Variants in ZNF777 observed in about 807,000 individuals in gnomAD.
ZNF777 encodes the protein zinc finger protein 777.
ZNF777 carries 7 observed loss-of-function variants against 72.1 expected under a neutral mutation model. The ratio of observed to expected loss-of-function variants is 0.10; its 90% CI spans 0.06 to 0.18. The LOEUF is 0.18. Among genes scored for constraint, ZNF777 ranks in the 10% least tolerant of loss-of-function variants. The pLI, the probability that ZNF777 is intolerant of heterozygous loss-of-function variation, is 1.00. For synonymous variants in ZNF777, 545 were observed against 483.5 expected (o/e 1.13, Z -1.67); for missense variants, 828 against 1,128.6 (o/e 0.73, Z 3.82).
Position 149,455,817 on chromosome 7 carries a change from C to A in ZNF777, c.206G>T (p.Gly69Val), listed in dbSNP as rs771897875. The A allele has an allele frequency of 1.2e-6, 2 of 1,612,862 alleles. No homozygotes were observed. Among genetic ancestry groups the A allele is most frequent in the Admixed American group, 1.7e-5 (1 of 59,966 alleles). ...CTTCTGGAGCACATGTGGCATCCGG[C>A]CAGAAGTCTCTTGCTTGGGAGCACT... ...TSSAPKQETS[G>V]RMPHVLQKGP... is the part of the protein sequence containing the mutation. Residue 69 changes from glycine (G) to valine (V), a missense_variant, in exon 2 of 6, where the codon GGC (glycine) becomes GTC (valine). Gly to Val is a moderately radical substitution (Grantham distance 109). This residue lies in a region of ZNF777 where 222 missense variants were observed against 211.2 expected (regional missense o/e 1.05). Coordinates refer to ENST00000247930, the MANE Select transcript of ZNF777 (RefSeq NM_015694.3). This position sits in a 1 kb window ranked among gnomAD's most constrained non-coding sequence, Gnocchi z 4.2.
chr7:149,455,505 T>C lies in ZNF777; in HGVS notation c.518A>G (p.Gln173Arg), dbSNP rs752391546. 4 of 1,613,922 alleles carry C rather than the reference T, an allele frequency of 2.5e-6. No individual in the cohort carries two copies. The African/African-American group carries it at 5.3e-5, about 22-fold the overall frequency. Residue 173 changes from glutamine (Q) to arginine (R), a missense_variant, in exon 2 of 6, where the codon CAG (glutamine) becomes CGG (arginine). Physicochemically the swap from Gln to Arg is conservative, Grantham distance 43. Transcript: ENST00000247930. This position sits in a 1 kb window ranked among gnomAD's most constrained non-coding sequence, Gnocchi z 4.2. ...DTPFQISSAV[Q>R]KEQPLPTAEI... is the part of the protein sequence containing the mutation. ...TGCCGTGGGGAGCGGCTGTTCCTTCTGGACTGCAGAAGAGATCTGGAAAGG... is the reference window on the plus strand; with the variant it reads ...TGCCGTGGGGAGCGGCTGTTCCTTCCGGACTGCAGAAGAGATCTGGAAAGG...
chr7:149,452,161 A>G (rs1799730748), intron 3 of ZNF777, among the ~76,000 whole-genome samples: 2 of 152,126 alleles, frequency 1.3e-5, no homozygotes, highest in South Asian at 4.2e-4. Context: ...GCTACTCGGG[A>G]GGCTGAGGCA....
At chr7:149,448,485 CTA>C (rs61005836) in intron 4 of ZNF777, among the ~76,000 whole-genome samples, 26,766 of 103,854 alleles carry the variant, frequency 0.26, 3,628 homozygotes, top group Non-Finnish European at 0.3. Context: ...CAAAACAAAA[CTA>C]TATATATATA....
intron 4 of ZNF777, among the ~76,000 whole-genome samples, chr7:149,449,367 G>T (rs1300902695): frequency 6.6e-6 from 1 of 152,204 alleles, no homozygotes; most frequent in Non-Finnish European, 1.5e-5. Flanking sequence ...ACCCAGCCCA[G>T]GACCGAATGG....
At chr7:149,456,147 T>A in intron 1 of ZNF777, 110 bp from the exon 2 acceptor site, 1 of 1,184,932 alleles carries the variant, frequency 8.4e-7, no homozygotes, top group Non-Finnish European at 1.1e-6. Context: ...TTGGTAGCAA[T>A]AATATGTGCC....
At chr7:149,445,947 G>A (rs1407624061) in intron 4 of ZNF777, among the ~76,000 whole-genome samples, 4 of 152,186 alleles carry the variant, frequency 2.6e-5, no homozygotes, top group Admixed American at 6.5e-5. Context: ...AGCAGGTGTG[G>A]GGGTGCAAAT....
chr7:149,454,359 G>A, intron 2 of ZNF777, 122 bp from the exon 3 acceptor site: 3 of 1,286,566 alleles, frequency 2.3e-6, no homozygotes, highest in Non-Finnish European at 3.2e-6. Flanking sequence ...CTAGAAGTCT[G>A]GCCACTGTCC....
chr7:149,433,347 C>T (rs750632446), intron 5 of ZNF777, among the ~76,000 whole-genome samples: 24 of 152,196 alleles, frequency 1.6e-4, no homozygotes, highest in East Asian at 7.7e-4. Flanking sequence ...GGAATACTCA[C>T]GATTCTCTAA....
intron 1 of ZNF777, among the ~76,000 whole-genome samples, chr7:149,458,603 T>C (rs548281384): frequency 1.1e-4 from 17 of 152,214 alleles, no homozygotes; most frequent in Admixed American, 5.9e-4. Flanking sequence ...GCTAGACAAA[T>C]CAGAGCTCAA....
In ZNF777 at chr7:149,460,889, C is replaced by T. The variant is rs930652340; in HGVS notation, c.-90G>A. ...CGGGCGGAGGCGCAGTCGGAGCGCG[C>T]AGCCCAGGCGACGTGCTGGGGTCTG... is the stretch of plus-strand genomic sequence containing the variant. On this transcript the variant is annotated 5_prime_UTR_variant, in exon 1 of 6. Transcript: ENST00000247930. This position sits in a 1 kb window ranked among gnomAD's most constrained non-coding sequence, Gnocchi z 6.1. 1 of 152,340 alleles carries T rather than the reference C, an allele frequency of 6.6e-6. No individual in the cohort carries two copies. Among genetic ancestry groups the T allele is most frequent in the Admixed American group, 6.5e-5 (1 of 15,288 alleles). 9.4% of individuals were successfully genotyped at this position (152,340 alleles called of 1,614,324 possible).
At chr7:149,441,445 C>T (rs1799513015) in intron 4 of ZNF777, among the ~76,000 whole-genome samples, 1 of 152,168 alleles carries the variant, frequency 6.6e-6, no homozygotes, top group Non-Finnish European at 1.5e-5. Context: ...TATCTGTAAC[C>T]CTATGGCACT....
chr7:149,460,132 G>C lies in ZNF777; in HGVS notation c.-16+683C>G, dbSNP rs1799919904. ...CGCGGGCCGCCCTCACAGGAGCCGG[G>C]GCCGCCTCGGCCATGGCCCTGCGCT... On this transcript the variant is annotated intron_variant, in intron 1 of 5. Transcript: ENST00000247930. The surrounding 1 kb of genome is among the most constrained non-coding windows in gnomAD (Gnocchi z 6.1). 4.1e-6 allele frequency: 4 copies of C among 980,908 alleles called. No homozygotes were observed. Among genetic ancestry groups the C allele is most frequent in the Non-Finnish European group, 4.8e-6 (4 of 827,978 alleles). 60.8% of individuals were successfully genotyped at this position (980,908 alleles called of 1,614,324 possible).
intron 3 of ZNF777, among the ~76,000 whole-genome samples, chr7:149,453,175 C>A (rs1265581688): frequency 2.0e-5 from 3 of 152,158 alleles, no homozygotes; most frequent in Non-Finnish European, 4.4e-5. Context: ...CCAAAGTGTT[C>A]ATGGTGGTTA....
At chr7:149,459,430 CGGAGGCAGAGGCT>C (rs1324358767) in intron 1 of ZNF777, among the ~76,000 whole-genome samples, 5 of 152,174 alleles carry the variant, frequency 3.3e-5, no homozygotes, top group African/African-American at 1.2e-4. Flanking sequence ...ACGCAGAGGC[CGGAGGCAGAGGCT>C]GGAGCTCAGA....
chr7:149,431,930 G>A lies in ZNF777; in HGVS notation c.2342C>T (p.Ala781Val), dbSNP rs762112800. The change falls in exon 6 of 6, where the codon GCC becomes GTC. Residue 781 changes from alanine to valine, a missense_variant. Physicochemically the swap from Ala to Val is moderately conservative, Grantham distance 64. Transcript: ENST00000247930. The stretch of plus-strand genomic sequence containing the variant: ...CTGCGTGAAGCGCTTGCCGCACTCG[G>A]CGCAGTGGTAGGGCCGCTCGCCTGT... Reference protein sequence around the residue: ...IHTGERPYHCAECGKRFTQKH... With the variant: ...IHTGERPYHCVECGKRFTQKH... 5 of 1,609,676 alleles carry A rather than the reference G, an allele frequency of 3.1e-6. No homozygotes were observed. Among genetic ancestry groups the A allele is most frequent in the Admixed American group, 1.7e-5 (1 of 59,928 alleles).
intron 5 of ZNF777, among the ~76,000 whole-genome samples, chr7:149,434,651 C>T (rs926156120): frequency 9.2e-5 from 14 of 151,934 alleles, no homozygotes; most frequent in African/African-American, 2.9e-4. Context: ...GGCACGATCT[C>T]GGTTGACTGC....
In ZNF777 at chr7:149,455,904, G is replaced by A; in HGVS notation, c.119C>T (p.Pro40Leu). 1 of 1,613,938 alleles carries A rather than the reference G, an allele frequency of 6.2e-7. No individual in the cohort carries two copies. The highest frequency in any genetic ancestry group is 2.2e-5 in the East Asian group (1 of 44,856). The change falls in exon 2 of 6, where the codon CCC (proline) becomes CTC (leucine). Residue 40 changes from proline (P) to leucine (L), a missense_variant. Around this residue, in one of 12 missense-constraint regions of ZNF777, gnomAD observed 222 missense variants for 211.2 expected, o/e 1.05. Transcript: ENST00000247930. This position sits in a 1 kb window ranked among gnomAD's most constrained non-coding sequence, Gnocchi z 4.2. ...ETLFQSRVLP[P>L]KEIPSLSPTI... ...GGGAGACAAAGAAGGAATTTCTTTG[G>A]GAGGAAGAACGCGGGATTGGAACAG...
chr7:149,444,195 ACT>A (rs1009715437), intron 4 of ZNF777, among the ~76,000 whole-genome samples: 4 of 152,132 alleles, frequency 2.6e-5, no homozygotes, highest in Admixed American at 2.6e-4. Context: ...TTATAACTAA[ACT>A]CTGTAGTATT....
At chr7:149,441,761 C>T (rs779035169) in intron 4 of ZNF777, among the ~76,000 whole-genome samples, 1 of 152,124 alleles carries the variant, frequency 6.6e-6, no homozygotes, top group Non-Finnish European at 1.5e-5. Flanking sequence ...TATTTTTAGA[C>T]ATTTAGTTAA....
Sources: allele counts gnomAD v4.1 joint callset (sites outside exome capture counted in the v4.1 genomes callset), GRCh38; gene constraint gnomAD v4.1.1; regional missense constraint gnomAD v4.1.1; non-coding constraint Gnocchi (gnomAD v3.1); transcripts MANE v1.5; gene names NCBI Gene and HGNC (gene_info 2026-07-23, HGNC 2026-07-21).